PTPN4: variants seen among roughly 807,000 people sequenced by gnomAD.
PTPN4 encodes protein tyrosine phosphatase non-receptor type 4.
Under a neutral mutation model 135.5 loss-of-function variants are expected in PTPN4, and 49 were observed. The ratio of observed to expected loss-of-function variants is 0.36; its 90% CI spans 0.29 to 0.46. The LOEUF (loss-of-function observed/expected upper bound fraction) is 0.46. PTPN4 is among the 20% of genes least tolerant of loss of function. The probability of loss-of-function intolerance (pLI) is 1.00; values close to 1 mark genes in which losing one functional copy is unlikely to be tolerated. For missense variants in PTPN4, 860 were observed against 1,101.0 expected (o/e 0.78, Z 3.10); for synonymous variants, 333 against 369.9 (o/e 0.90, Z 1.14).
intron 20 of PTPN4, among the ~76,000 whole-genome samples, chr2:119,955,937 A>G (rs1336417945): frequency 7.1e-6 from 1 of 140,568 alleles, no homozygotes; most frequent in Non-Finnish European, 1.5e-5. Context: ...ACTCCATCTC[A>G]AAAAAATAAT....
intron 2 of PTPN4, among the ~76,000 whole-genome samples, chr2:119,838,497 T>G (rs1275862305): frequency 1.3e-5 from 2 of 152,238 alleles, no homozygotes; most frequent in African/African-American, 2.4e-5. Context: ...CTGCTTTGTC[T>G]TTCCTGCAAA....
At chr2:119,920,642 A>G (rs999282004) in intron 12 of PTPN4, among the ~76,000 whole-genome samples, 17 of 152,208 alleles carry the variant, frequency 1.1e-4, no homozygotes, top group Non-Finnish European at 2.4e-4. Flanking sequence ...AATTTAGCAT[A>G]TTTTTGGGTT....
At chr2:119,839,340 T>C (rs1405012571) in intron 2 of PTPN4, among the ~76,000 whole-genome samples, 1 of 152,226 alleles carries the variant, frequency 6.6e-6, no homozygotes, top group Non-Finnish European at 1.5e-5. Context: ...GCATTTCTTA[T>C]ACTCGCAGAA....
At chr2:119,894,883 T>C (rs1678296408) in intron 9 of PTPN4, among the ~76,000 whole-genome samples, 1 of 152,212 alleles carries the variant, frequency 6.6e-6, no homozygotes, top group African/African-American at 2.4e-5. Flanking sequence ...GTTCAAAGGA[T>C]TAAAAATAAC....
At chr2:119,876,938 T>TGTGC (rs1553458128) in intron 3 of PTPN4, among the ~76,000 whole-genome samples, 18 of 136,298 alleles carry the variant, frequency 1.3e-4, no homozygotes, top group South Asian at 7.3e-4. Flanking sequence ...TGTGTGTGTG[T>TGTGC]GTGCGTGAAG....
intron 2 of PTPN4, among the ~76,000 whole-genome samples, chr2:119,836,523 T>C (rs1677296042): frequency 6.6e-6 from 1 of 152,244 alleles, no homozygotes; most frequent in Admixed American, 6.5e-5. Context: ...CAGCTGGGGC[T>C]GTGCACTCCA....
intron 2 of PTPN4, among the ~76,000 whole-genome samples, chr2:119,845,969 T>C (rs1254177433): frequency 1.3e-5 from 2 of 152,236 alleles, no homozygotes; most frequent in Non-Finnish European, 2.9e-5. Flanking sequence ...GAGTGTGCTA[T>C]TTAATATCGA....
chr2:119,783,706 A>G (rs989174962), intron 1 of PTPN4, among the ~76,000 whole-genome samples: 2 of 152,232 alleles, frequency 1.3e-5, no homozygotes, highest in African/African-American at 4.8e-5. Context: ...AATCCTTCTG[A>G]GGGGATTAAC....
chr2:119,880,044 G>A (rs1369236500), intron 5 of PTPN4: 1 of 147,524 alleles, frequency 6.8e-6, no homozygotes, highest in Non-Finnish European at 1.5e-5. Flanking sequence ...GGGCGGGAAA[G>A]AATGGAGTCA....
At chr2:119,898,183 A>G (rs1212781267) in intron 9 of PTPN4, among the ~76,000 whole-genome samples, 1 of 152,230 alleles carries the variant, frequency 6.6e-6, no homozygotes, top group Non-Finnish European at 1.5e-5. Flanking sequence ...TAGGTCTTTC[A>G]GATAAGTGGT....
intron 1 of PTPN4, chr2:119,771,519 T>C (rs1034557706): frequency 6.6e-6 from 1 of 152,258 alleles, no homozygotes; most frequent in Non-Finnish European, 1.5e-5. Flanking sequence ...CCTGCTGCCA[T>C]GTTTCCTTAC....
chr2:119,961,728 A>G (rs2105059239), intron 23 of PTPN4, among the ~76,000 whole-genome samples: 1 of 152,354 alleles, frequency 6.6e-6, no homozygotes, highest in South Asian at 2.1e-4. Flanking sequence ...AAGTAGTGAT[A>G]CATACTACAG....
At chr2:119,815,182 A>G (rs907587669) in intron 2 of PTPN4, among the ~76,000 whole-genome samples, 1 of 152,124 alleles carries the variant, frequency 6.6e-6, no homozygotes, top group Non-Finnish European at 1.5e-5. Flanking sequence ...GATTTTATAC[A>G]TCTTTATTTT....
chr2:119,878,354 A>C (rs2104999020), intron 5 of PTPN4, among the ~76,000 whole-genome samples: 1 of 152,342 alleles, frequency 6.6e-6, no homozygotes, highest in African/African-American at 2.4e-5. Context: ...AAGACAGTTA[A>C]AAATTAGCAT....
intron 2 of PTPN4, among the ~76,000 whole-genome samples, chr2:119,810,710 T>C (rs1691560802): frequency 6.6e-6 from 1 of 152,210 alleles, no homozygotes; most frequent in Admixed American, 6.5e-5. Flanking sequence ...TTAAAAACTT[T>C]TCAACCTATA....
Position 119,862,450 on chromosome 2 carries a change from T to G in PTPN4, c.139-86T>G, listed in dbSNP as rs536175192. Reference sequence around the variant, plus strand: ...CCTCTGGCATAAATGGGTTAATAGATGAGGACAAAAGTCAACCAGGTTAAA... The same window carrying G: ...CCTCTGGCATAAATGGGTTAATAGAGGAGGACAAAAGTCAACCAGGTTAAA... On this transcript the variant is annotated intron_variant, in intron 2 of 26. Coordinates refer to ENST00000263708, the MANE Select transcript of PTPN4 (RefSeq NM_002830.4). 1.7e-5 allele frequency: 21 copies of G among 1,257,378 alleles called. No individual in the cohort carries two copies. The African/African-American group carries it at 2.4e-4, about 14-fold the overall frequency. 77.9% of individuals were successfully genotyped at this position (1,257,378 alleles called of 1,614,324 possible).
At chr2:119,804,884 A>G (rs929823038) in intron 1 of PTPN4, among the ~76,000 whole-genome samples, 2 of 152,152 alleles carry the variant, frequency 1.3e-5, no homozygotes, top group African/African-American at 4.8e-5. Context: ...GAACTAGTTT[A>G]CACTCCCACC....
chr2:119,762,348 T>G (rs1212315486), intron 1 of PTPN4, among the ~76,000 whole-genome samples: 7 of 152,166 alleles, frequency 4.6e-5, no homozygotes, highest in Non-Finnish European at 1.5e-5. Context: ...CAGCTTTTTT[T>G]TTTAACTTGT....
intron 2 of PTPN4, among the ~76,000 whole-genome samples, chr2:119,832,867 A>T (rs1438892593): frequency 6.6e-6 from 1 of 152,166 alleles, no homozygotes; most frequent in African/African-American, 2.4e-5. Flanking sequence ...AATTAGAATC[A>T]TAAGACTAAC....
Sources: gnomAD v4.1 joint callset for allele counts (sites outside exome capture counted in the v4.1 genomes callset) on GRCh38, gnomAD v4.1.1 for gene constraint, MANE v1.5 for transcripts, NCBI Gene and HGNC (gene_info 2026-07-23, HGNC 2026-07-21) for gene names.